ADAMTSL3: variants seen among roughly 807,000 people sequenced by gnomAD.
ADAMTSL3 encodes the protein ADAMTS like 3.
Under a neutral mutation model 201.7 loss-of-function variants are expected in ADAMTSL3, and 128 were observed. The observed-to-expected ratio is 0.63, with a 90% confidence interval of 0.55 to 0.73. The LOEUF is 0.73. ADAMTSL3 is among the 30% of genes least tolerant of loss of function. The pLI, the probability that ADAMTSL3 is intolerant of heterozygous loss-of-function variation, is 0.00. For missense variants in ADAMTSL3, 1,990 were observed against 2,119.6 expected (o/e 0.94, Z 1.20); for synonymous variants, 738 against 748.4 (o/e 0.99, Z 0.23).
intron 12 of ADAMTSL3, among the ~76,000 whole-genome samples, chr15:83,892,306 C>T (rs982243104): frequency 6.6e-5 from 10 of 151,602 alleles, no homozygotes; most frequent in East Asian, 3.9e-4. Flanking sequence ...CTGAGGCAGG[C>T]GGATCACGAG....
intron 19 of ADAMTSL3, among the ~76,000 whole-genome samples, chr15:83,957,778 C>T (rs984253130): frequency 6.6e-6 from 1 of 152,030 alleles, no homozygotes; most frequent in African/African-American, 2.4e-5. Flanking sequence ...TAAAGAATTA[C>T]AGCTCAGAAA....
intron 23 of ADAMTSL3, among the ~76,000 whole-genome samples, chr15:84,000,174 G>A (rs1278152061): frequency 1.3e-5 from 2 of 151,954 alleles, no homozygotes; most frequent in African/African-American, 4.8e-5. Context: ...CTTGTTTTAT[G>A]AACTGGACAT....
chr15:83,772,754 G>A (rs544746457), intron 3 of ADAMTSL3, among the ~76,000 whole-genome samples: 1 of 148,138 alleles, frequency 6.8e-6, no homozygotes, highest in Non-Finnish European at 1.5e-5. Flanking sequence ...TGCCCAGGCT[G>A]GAGTGCAGTG....
rs1006961480 is a variant in ADAMTSL3 at position 83,833,701 on chromosome 15, C to T, written c.601-4388C>T. ...GAGATATAATTCGGTAAAGAACAGT[C>T]AGTTCAACAGATGATTCATGCTTAG... On this transcript the variant is annotated intron_variant, in intron 6 of 29. Coordinates refer to ENST00000286744, the MANE Select transcript of ADAMTSL3 (RefSeq NM_207517.3). Among the ~76,000 whole-genome samples, 3 of 152,210 alleles carry T rather than the reference C, an allele frequency of 2.0e-5. No homozygotes were observed. In the South Asian group the frequency reaches 6.2e-4, roughly 32 times the overall value.
chr15:83,844,971 T>C (rs548941815), intron 7 of ADAMTSL3, among the ~76,000 whole-genome samples: 52 of 152,312 alleles, frequency 3.4e-4, no homozygotes, highest in Non-Finnish European at 4.4e-5. Flanking sequence ...TGCCATCTGC[T>C]CCTCATTCCC....
intron 15 of ADAMTSL3, among the ~76,000 whole-genome samples, chr15:83,908,110 A>C (rs2065872962): frequency 6.6e-6 from 1 of 152,242 alleles, no homozygotes. Flanking sequence ...GAATTAGAAA[A>C]ATAAATTATC....
chr15:83,818,507 C>T lies in ADAMTSL3; in HGVS notation c.364-1304C>T, dbSNP rs907754697. ...ACACCCAGCTAATTCTTGTATTTTT[C>T]ACAGAGACGGGGTTTCACCATTTTG... is the stretch of plus-strand genomic sequence containing the variant. On this transcript the variant is annotated intron_variant, in intron 5 of 29. Transcript: ENST00000286744. Among the ~76,000 whole-genome samples, 3 of 152,144 alleles carry T rather than the reference C, an allele frequency of 2.0e-5. No homozygotes were observed. In the East Asian group the frequency reaches 5.8e-4, roughly 30 times the overall value.
In ADAMTSL3 at chr15:83,965,268, C is replaced by G. The variant is rs562735167; in HGVS notation, c.2491-5216C>G. Among the ~76,000 whole-genome samples the G allele has an allele frequency of 8.2e-5, 12 of 146,840 alleles. No individual in the cohort carries two copies. In the Admixed American group the frequency reaches 8.5e-4, roughly 10 times the overall value. On this transcript the variant is annotated intron_variant, in intron 19 of 29. Transcript: ENST00000286744. ...TTAAGACCCATAGGTGTGCTGTATT[C>G]AGGAGACCCATCTCATGTGCAAAGA... is the stretch of plus-strand genomic sequence containing the variant.
At chr15:83,688,424 A>G (rs2061565526) in intron 2 of ADAMTSL3, among the ~76,000 whole-genome samples, 1 of 152,212 alleles carries the variant, frequency 6.6e-6, no homozygotes. Flanking sequence ...TATTAGACAG[A>G]TACTTTAGAT....
rs189519553 is a variant in ADAMTSL3 at position 83,782,650 on chromosome 15, C to T, written c.317+9000C>T. The stretch of plus-strand genomic sequence containing the variant: ...GAAAACCAAATACCACATGTCATCA[C>T]TTAAAAGTGGAAGCTAAACTATGAG... On this transcript the variant is annotated intron_variant, in intron 4 of 29. Coordinates refer to ENST00000286744, the MANE Select transcript of ADAMTSL3 (RefSeq NM_207517.3). 1.8e-4 allele frequency among the ~76,000 whole-genome samples: 27 copies of T among 152,154 alleles called. No homozygotes were observed. In the East Asian group the frequency reaches 4.8e-3, roughly 27 times the overall value.
intron 20 of ADAMTSL3, among the ~76,000 whole-genome samples, chr15:83,971,578 G>GAAA (rs1484317891): frequency 9.8e-6 from 1 of 102,142 alleles, no homozygotes; most frequent in Non-Finnish European, 2.2e-5. Context: ...AAAAAAAAAA[G>GAAA]AAAGAAAGAA....
At chr15:83,663,304 A>G (rs571449802) in intron 2 of ADAMTSL3, among the ~76,000 whole-genome samples, 1 of 151,998 alleles carries the variant, frequency 6.6e-6, no homozygotes, top group African/African-American at 2.4e-5. Flanking sequence ...GCCGCCCCCA[A>G]TCTCTATGAG....
At chr15:83,761,719 T>C (rs1313420610) in intron 3 of ADAMTSL3, among the ~76,000 whole-genome samples, 5 of 152,326 alleles carry the variant, frequency 3.3e-5, no homozygotes, top group African/African-American at 1.2e-4. Context: ...TCCTATTAAA[T>C]CTTCCCTCAT....
chr15:83,876,010 C>G (rs2065171493), intron 9 of ADAMTSL3, among the ~76,000 whole-genome samples: 1 of 151,622 alleles, frequency 6.6e-6, no homozygotes, highest in Non-Finnish European at 1.5e-5. Flanking sequence ...TCTTATTTTT[C>G]TTTTCGGTGG....
chr15:83,804,393 G>A (rs937409806), intron 4 of ADAMTSL3, among the ~76,000 whole-genome samples: 1 of 152,072 alleles, frequency 6.6e-6, no homozygotes, highest in Admixed American at 6.6e-5. Flanking sequence ...GGACCCTTGG[G>A]TAAGAATTGC....
intron 9 of ADAMTSL3, 128 bp from the exon 10 acceptor site, chr15:83,884,973 T>G (rs1422144397): frequency 1.6e-6 from 1 of 619,604 alleles, no homozygotes; most frequent in African/African-American, 1.9e-5. Context: ...ATTGGACTCT[T>G]GCCCCATAGT....
chr15:84,034,326 C>T (rs1355821969), intron 28 of ADAMTSL3, among the ~76,000 whole-genome samples: 19 of 152,038 alleles, frequency 1.2e-4, no homozygotes, highest in Admixed American at 1.1e-3. Flanking sequence ...ATAGTAGGGC[C>T]TCAGGAAATG....
chr15:83,942,720 C>T lies in ADAMTSL3; in HGVS notation c.2242C>T (p.Pro748Ser), dbSNP rs1207723338. Reference sequence around the variant, plus strand: ...TCCTGAGGAGTGCCGAGATGAAAAGCCCCATGCTTTACAAGCATGCAATCA... The same window carrying T: ...TCCTGAGGAGTGCCGAGATGAAAAGTCCCATGCTTTACAAGCATGCAATCA... ...APPEECRDEK[P>S]HALQACNQFD... The change falls in exon 18 of 30, where the codon CCC (proline) becomes TCC (serine). Residue 748 changes from proline (P) to serine (S), a missense_variant. By Grantham distance (74) the Pro-to-Ser change is moderately conservative. Transcript: ENST00000286744. 1.9e-6 allele frequency: 3 copies of T among 1,614,008 alleles called. No homozygotes were observed. Among genetic ancestry groups the T allele is most frequent in the Non-Finnish European group, 2.5e-6 (3 of 1,179,976 alleles).
chr15:83,663,612 C>G (rs573061582), intron 2 of ADAMTSL3, among the ~76,000 whole-genome samples: 1 of 152,208 alleles, frequency 6.6e-6, no homozygotes, highest in Non-Finnish European at 1.5e-5. Context: ...CACCCTGTTT[C>G]AGTTCTGTGT....
Sources: allele counts gnomAD v4.1 joint callset (sites outside exome capture counted in the v4.1 genomes callset), GRCh38; gene constraint gnomAD v4.1.1; transcripts MANE v1.5; gene names NCBI Gene and HGNC (gene_info 2026-07-23, HGNC 2026-07-21).